The following HS6ST2 variants were observed in gnomAD, a reference collection of about 807,000 sequenced individuals.
HS6ST2 encodes the protein heparan sulfate 6-O-sulfotransferase 2.
A neutral mutation model predicts 33.0 loss-of-function variants in HS6ST2; 17 were observed. That is an observed-to-expected ratio of 0.52 (90% CI 0.35 to 0.77). HS6ST2 has a LOEUF of 0.77. Among genes scored for constraint, HS6ST2 ranks in the 30% least tolerant of loss-of-function variants. HS6ST2 has a pLI of 0.01. For synonymous variants in HS6ST2, 248 were observed against 237.1 expected (o/e 1.05, Z -0.42); for missense variants, 519 against 551.7 (o/e 0.94, Z 0.59).
chrX:132,831,570 C>A (rs1569495364), intron 2 of HS6ST2, among the ~76,000 whole-genome samples: 1 of 111,645 alleles, frequency 9.0e-6, no homozygotes, highest in Non-Finnish European at 1.9e-5. Context: ...CCTCTCAGTT[C>A]TCAGAACCGA....
intron 2 of HS6ST2, among the ~76,000 whole-genome samples, chrX:132,864,673 T>G (rs1435430730): frequency 1.8e-5 from 2 of 110,820 alleles, no homozygotes; most frequent in East Asian, 5.7e-4. Context: ...AACCAAGTTG[T>G]AAAACACTCT....
chrX:132,715,586 A>G (rs1377988749), intron 2 of HS6ST2, among the ~76,000 whole-genome samples: 2 of 112,307 alleles, frequency 1.8e-5, no homozygotes, highest in Non-Finnish European at 3.8e-5. Flanking sequence ...CAGATCACAG[A>G]GCACATCAAT....
In HS6ST2 at chrX:132,827,216, C is replaced by T. The variant is rs780343692; in HGVS notation, c.948-118722G>A. Among the ~76,000 whole-genome samples, 3 of 111,533 alleles carry T rather than the reference C, an allele frequency of 2.7e-5. No homozygotes were observed. In the South Asian group the frequency reaches 1.1e-3, roughly 42 times the overall value. Reference sequence around the variant, plus strand: ...TGGCTACAGTGTCTTCCCAACAGAACCCCATCTTTGTCACAGCATTATTCA... The same window carrying T: ...TGGCTACAGTGTCTTCCCAACAGAATCCCATCTTTGTCACAGCATTATTCA... On this transcript the variant is annotated intron_variant, in intron 2 of 4. Coordinates refer to ENST00000370833, the MANE Select transcript of HS6ST2 (RefSeq NM_001394073.1).
chrX:132,640,712 C>A (rs905900148), intron 4 of HS6ST2, among the ~76,000 whole-genome samples: 1 of 111,209 alleles, frequency 9.0e-6, no homozygotes, highest in African/African-American at 3.3e-5. Flanking sequence ...GAGAAAATAT[C>A]TCATGAATTA....
intron 2 of HS6ST2, among the ~76,000 whole-genome samples, chrX:132,845,487 A>C (rs961029412): frequency 1.8e-5 from 2 of 111,460 alleles, no homozygotes; most frequent in Admixed American, 1.9e-4. Context: ...AGCTTTGGGA[A>C]AGGTCTCCAC....
intron 2 of HS6ST2, among the ~76,000 whole-genome samples, chrX:132,779,825 T>A (rs2065002965): frequency 9.0e-6 from 1 of 110,857 alleles, no homozygotes; most frequent in African/African-American, 3.3e-5. Flanking sequence ...CTATTGCCAG[T>A]TTACAGATAA....
intron 2 of HS6ST2, among the ~76,000 whole-genome samples, chrX:132,876,465 G>A (rs923654149): frequency 8.9e-6 from 1 of 112,086 alleles, no homozygotes; most frequent in East Asian, 2.8e-4. Context: ...CAGCATTGCG[G>A]GTTAGGTGTT....
At chrX:132,869,005 T>TA (rs1556479446) in intron 2 of HS6ST2, among the ~76,000 whole-genome samples, 5 of 107,839 alleles carry the variant, frequency 4.6e-5, no homozygotes, top group East Asian at 2.9e-4. Flanking sequence ...ATTTTTTTTT[T>TA]AAAGACTAAC....
chrX:132,919,388 T>C (rs1429180670), intron 2 of HS6ST2, among the ~76,000 whole-genome samples: 1 of 112,075 alleles, frequency 8.9e-6, no homozygotes, highest in Non-Finnish European at 1.9e-5. Flanking sequence ...TTAGGACTTC[T>C]CTAAGAAGAC....
At chrX:132,686,594 C>T (rs947695749) in intron 3 of HS6ST2, among the ~76,000 whole-genome samples, 1 of 111,779 alleles carries the variant, frequency 8.9e-6, no homozygotes, top group African/African-American at 3.3e-5. Context: ...ACATGCAGAG[C>T]TGAAAACCTG....
chrX:132,790,729 C>T (rs1214954722), intron 2 of HS6ST2, among the ~76,000 whole-genome samples: 1 of 112,099 alleles, frequency 8.9e-6, no homozygotes, highest in Admixed American at 9.5e-5. Context: ...AAAATAGATA[C>T]ATACGTATCT....
At chrX:132,651,957 G>C (rs2063696183) in intron 4 of HS6ST2, among the ~76,000 whole-genome samples, 1 of 112,143 alleles carries the variant, frequency 8.9e-6, no homozygotes, top group African/African-American at 3.2e-5. Flanking sequence ...GGATTTGAGA[G>C]ATTCCAAACC....
intron 2 of HS6ST2, among the ~76,000 whole-genome samples, chrX:132,874,246 A>G (rs2066089008): frequency 8.9e-6 from 1 of 112,603 alleles, no homozygotes. Flanking sequence ...ATTTTGAATC[A>G]ATTAACACAA....
At chrX:132,728,532 G>A (rs1340533413) in intron 2 of HS6ST2, among the ~76,000 whole-genome samples, 1 of 112,125 alleles carries the variant, frequency 8.9e-6, no homozygotes, top group African/African-American at 3.2e-5. Flanking sequence ...AGATGGCTGT[G>A]GAATTGTCCC....
At chrX:132,827,714 T>C (rs12840953) in intron 2 of HS6ST2, among the ~76,000 whole-genome samples, 4,691 of 111,017 alleles carry the variant, frequency 0.042, 124 homozygotes, top group Non-Finnish European at 0.063. Context: ...CCTCTTTGCC[T>C]TTCATGTTGG....
At chrX:132,730,044 G>A (rs765169630) in intron 2 of HS6ST2, among the ~76,000 whole-genome samples, 20 of 110,217 alleles carry the variant, frequency 1.8e-4, no homozygotes, top group Non-Finnish European at 3.4e-4. Flanking sequence ...GAGAGTCCAA[G>A]TTTGAAAATA....
chrX:132,688,037 C>T, intron 3 of HS6ST2, among the ~76,000 whole-genome samples: 1 of 112,706 alleles, frequency 8.9e-6, no homozygotes. Flanking sequence ...GCGTGAGCCA[C>T]CATGCCCAGC....
At chrX:132,666,280 G>A (rs781471891) in intron 4 of HS6ST2, among the ~76,000 whole-genome samples, 32 of 111,359 alleles carry the variant, frequency 2.9e-4, no homozygotes, top group Non-Finnish European at 5.1e-4. Flanking sequence ...AGGGATTGTA[G>A]CACTTAAATA....
At chrX:132,673,500 G>A (rs1432263197) in intron 3 of HS6ST2, among the ~76,000 whole-genome samples, 1 of 112,672 alleles carries the variant, frequency 8.9e-6, no homozygotes, top group Non-Finnish European at 1.9e-5. Flanking sequence ...TTGGATGGTT[G>A]CAGAGTGCCT....
Sources: gnomAD v4.1 joint callset for allele counts (sites outside exome capture counted in the v4.1 genomes callset) on GRCh38, gnomAD v4.1.1 for gene constraint, MANE v1.5 for transcripts, NCBI Gene and HGNC (gene_info 2026-07-23, HGNC 2026-07-21) for gene names.